PHKA2: variants seen among roughly 807,000 people sequenced by gnomAD.
PHKA2 encodes phosphorylase b kinase regulatory subunit alpha, liver isoform.
Under a neutral mutation model 102.0 loss-of-function variants are expected in PHKA2, and 31 were observed. The observed-to-expected ratio is 0.30, with a 90% CI of 0.23 to 0.41. The LOEUF (loss-of-function observed/expected upper bound fraction) is 0.41, where lower values mean the gene tolerates loss of function less well. Ranked by LOEUF, PHKA2 falls within the 10% of genes least tolerant of loss-of-function variation. The pLI is 1.00. For missense variants in PHKA2, 858 were observed against 1,023.1 expected (o/e 0.84, Z 2.20); for synonymous variants, 455 against 416.2 (o/e 1.09, Z -1.13).
intron 28 of PHKA2, among the ~76,000 whole-genome samples, chrX:18,900,269 C>T (rs1244670273): frequency 9.0e-6 from 1 of 111,304 alleles, no homozygotes; most frequent in Non-Finnish European, 1.9e-5. Context: ...AGCACCCTTA[C>T]ATGTTTTTCC....
intron 11 of PHKA2, among the ~76,000 whole-genome samples, chrX:18,934,631 G>A (rs1045684096): frequency 4.4e-5 from 5 of 112,817 alleles, no homozygotes; most frequent in Non-Finnish European, 9.4e-5. Context: ...GATCTAACAC[G>A]TAATAGTTCC....
At chrX:18,946,644 CT>C (rs2048582979) in intron 5 of PHKA2, among the ~76,000 whole-genome samples, 1 of 109,942 alleles carries the variant, frequency 9.1e-6, no homozygotes, top group Non-Finnish European at 1.9e-5. Context: ...CAAGCACCCC[CT>C]AGCCCACCCA....
At position 18,893,173 on chromosome X, in the gene PHKA2, T is replaced by C. The variant is rs1413109465; in HGVS notation, c.*312A>G. ...GCTGGCGTCTCAGTTCCCTCTGCAC[T>C]CAAAAGAGACCAATTTCCAATTCCT... On this transcript the variant is annotated 3_prime_UTR_variant, in exon 33 of 33. Transcript: ENST00000379942. The C allele has an allele frequency of 2.9e-6, 1 of 349,997 alleles. No homozygotes were observed. The highest frequency in any genetic ancestry group is 2.6e-5 in the African/African-American group (1 of 38,438). The allele number at this position is 349,997 out of a possible 1,213,427, so 28.8% of individuals were successfully genotyped here.
chrX:18,929,330 C>T (rs757549996), intron 12 of PHKA2, 24 bp from the exon 13 acceptor site: 3 of 1,001,085 alleles, frequency 3.0e-6, no homozygotes, highest in East Asian at 3.3e-5. Flanking sequence ...AGCATTAACA[C>T]TATGAAATAT....
At chrX:18,965,222 CCT>C (rs745532153) in intron 1 of PHKA2, among the ~76,000 whole-genome samples, 16 of 111,624 alleles carry the variant, frequency 1.4e-4, no homozygotes, top group African/African-American at 4.6e-4. Flanking sequence ...TAATTCTTTG[CCT>C]CTCTCACTAA....
intron 30 of PHKA2, chrX:18,895,599 TATA>T (rs759349571): frequency 8.1e-5 from 16 of 197,085 alleles, no homozygotes; most frequent in African/African-American, 3.7e-4. Context: ...TTGAGATTTC[TATA>T]ATAAGCACCA....
At chrX:18,915,910 G>A (rs1177381459) in intron 19 of PHKA2, among the ~76,000 whole-genome samples, 1 of 111,348 alleles carries the variant, frequency 9.0e-6, no homozygotes, top group Non-Finnish European at 1.9e-5. Context: ...AGAAAATGTT[G>A]GGCAGGAAAT....
In PHKA2 at chrX:18,903,567, G is replaced by A. The variant is rs779087159; in HGVS notation, c.2909-1964C>T. The stretch of plus-strand genomic sequence containing the variant: ...CAGCGGGGTCTGGAGGAGAGCCCAT[G>A]CCCAGGCCTGAGGGCAAGGTGCCAA... On this transcript the variant is annotated intron_variant, in intron 26 of 32. Coordinates refer to ENST00000379942, the MANE Select transcript of PHKA2 (RefSeq NM_000292.3). Among the ~76,000 whole-genome samples the A allele has an allele frequency of 5.3e-5, 6 of 112,533 alleles. No homozygotes were observed. In the East Asian group the frequency reaches 1.7e-3, roughly 32 times the overall value.
intron 21 of PHKA2, 152 bp downstream of exon 21, chrX:18,908,649 T>C (rs2047867813): frequency 3.9e-6 from 2 of 515,237 alleles, no homozygotes; most frequent in Non-Finnish European, 6.9e-6. Flanking sequence ...GAAGATGCCA[T>C]CTATGAGAAA....
chrX:18,963,157 A>G (rs2048893294), intron 1 of PHKA2, among the ~76,000 whole-genome samples: 1 of 112,119 alleles, frequency 8.9e-6, no homozygotes, highest in African/African-American at 3.2e-5. Flanking sequence ...GTGGCCTATA[A>G]TTTCCCCTGC....
At chrX:18,896,468 G>A (rs1229426823) in intron 30 of PHKA2, 1 of 113,775 alleles carries the variant, frequency 8.8e-6, no homozygotes, top group Non-Finnish European at 1.8e-5. Flanking sequence ...GGCTGGCTGA[G>A]GGGAGTGGGG....
intron 1 of PHKA2, among the ~76,000 whole-genome samples, chrX:18,980,366 C>T (rs1434082366): frequency 4.4e-5 from 5 of 112,447 alleles, no homozygotes. Flanking sequence ...CCCCTGGGAA[C>T]TGAATGTCTC....
At chrX:18,933,003 A>G (rs184077060) in intron 11 of PHKA2, among the ~76,000 whole-genome samples, 102 of 109,967 alleles carry the variant, frequency 9.3e-4, no homozygotes, top group African/African-American at 3.2e-3. Flanking sequence ...AATCCCAGCT[A>G]CTCAGGAGGC....
At chrX:18,973,257 G>T (rs2049040899) in intron 1 of PHKA2, among the ~76,000 whole-genome samples, 1 of 111,543 alleles carries the variant, frequency 9.0e-6, no homozygotes, top group East Asian at 2.8e-4. Context: ...CATCCGCCTC[G>T]GCCTCCCAAA....
intron 8 of PHKA2, 39 bp from the exon 9 acceptor site, chrX:18,940,087 T>A (rs770477625): frequency 4.9e-6 from 5 of 1,013,514 alleles, no homozygotes; most frequent in Non-Finnish European, 7.0e-6. Flanking sequence ...TCAGAGAAAT[T>A]TTTTTGCCTT....
chrX:18,961,178 A>G (rs893130625), intron 1 of PHKA2, among the ~76,000 whole-genome samples: 1 of 111,901 alleles, frequency 8.9e-6, no homozygotes, highest in Non-Finnish European at 1.9e-5. Context: ...TTTGTTTACC[A>G]CTCTAGCGCA....
In PHKA2 at chrX:18,892,989, T is replaced by G; in HGVS notation, c.*496A>C. 7.6e-6 allele frequency: 1 copy of G among 131,482 alleles called. No homozygotes were observed. The highest frequency in any genetic ancestry group is 1.6e-5 in the Non-Finnish European group (1 of 64,237). The allele number at this position is 131,482 out of a possible 1,213,427, so 10.8% of individuals were successfully genotyped here. On this transcript the variant is annotated 3_prime_UTR_variant, in exon 33 of 33. Coordinates refer to ENST00000379942, the MANE Select transcript of PHKA2 (RefSeq NM_000292.3). ...CCCCCATTCCACAGAGAGACACAAGTGTTCTATTTGGTGAAGAGTTTGGTG... is the reference window on the plus strand; with the variant it reads ...CCCCCATTCCACAGAGAGACACAAGGGTTCTATTTGGTGAAGAGTTTGGTG...
chrX:18,893,468 T>G lies in PHKA2; in HGVS notation c.*17A>C, dbSNP rs1265011301. ...ACGTGACAGATTGAGAGTGTGATCA[T>G]GTTTCCAGGTGAGACCCTATTGCAT... On this transcript the variant is annotated 3_prime_UTR_variant, in exon 33 of 33. Transcript: ENST00000379942. 8.3e-7 allele frequency: 1 copy of G among 1,204,062 alleles called. No individual in the cohort carries two copies. The highest frequency in any genetic ancestry group is 2.2e-5 in the Admixed American group (1 of 45,667).
chrX:18,917,917 C>CT (rs76729112), intron 19 of PHKA2, among the ~76,000 whole-genome samples: 79 of 104,404 alleles, frequency 7.6e-4, no homozygotes, highest in Admixed American at 1.6e-3. Flanking sequence ...TTCCACTTCA[C>CT]TTTTTTTTTT....
Sources: allele counts gnomAD v4.1 joint callset (sites outside exome capture counted in the v4.1 genomes callset), GRCh38; gene constraint gnomAD v4.1.1; transcripts MANE v1.5; gene names NCBI Gene and HGNC (gene_info 2026-07-23, HGNC 2026-07-21).